The following MTERF4 variants were observed in gnomAD, a reference collection of about 807,000 sequenced individuals.
MTERF4 encodes the protein mitochondrial transcription termination factor 4, also known as transcription termination factor 4, mitochondrial.
Under a neutral mutation model 22.5 loss-of-function variants are expected in MTERF4, and 17 were observed. That is an observed-to-expected ratio of 0.75 (90% CI 0.52 to 1.13). The LOEUF (loss-of-function observed/expected upper bound fraction) is 1.13, where lower values mean the gene tolerates loss of function less well. Among genes scored for constraint, MTERF4 ranks in the 50% most tolerant of loss-of-function variants. The pLI, the probability that MTERF4 is intolerant of heterozygous loss-of-function variation, is 0.00. For synonymous variants in MTERF4, 165 were observed against 175.3 expected (o/e 0.94, Z 0.47); for missense variants, 420 against 466.8 (o/e 0.90, Z 0.92).
chr2:241,064,780 G>A, the MTERF4 span: 1 of 1,196,888 alleles, frequency 8.4e-7, no homozygotes, highest in Admixed American at 3.1e-5. The surrounding 1 kb of genome is among the most constrained non-coding windows in gnomAD (Gnocchi z 7.0). Context: ...AGGAGCAAGG[G>A]CGGGGCTGGA....
chr2:241,071,615 G>T, downstream of MTERF4: 1 of 1,587,826 alleles, frequency 6.3e-7, no homozygotes, highest in Non-Finnish European at 8.5e-7. Flanking sequence ...CACCAGGGAG[G>T]ACACCACCCT....
chr2:241,084,211 A>G (rs1403429341), downstream of MTERF4, among the ~76,000 whole-genome samples: 1 of 145,702 alleles, frequency 6.9e-6, no homozygotes, highest in Non-Finnish European at 1.5e-5. Context: ...ATCTTGGCTC[A>G]TCGCAACCTC....
downstream of MTERF4, among the ~76,000 whole-genome samples, chr2:241,085,220 A>C (rs1210813085): frequency 6.6e-6 from 1 of 151,726 alleles, no homozygotes; most frequent in Non-Finnish European, 1.5e-5. Flanking sequence ...CATTTCTTCT[A>C]CTTCTGGGAC....
chr2:241,045,575 A>G, the MTERF4 span, among the ~76,000 whole-genome samples: 1 of 152,118 alleles, frequency 6.6e-6, no homozygotes, highest in Non-Finnish European at 1.5e-5. Flanking sequence ...AATGGGGTTG[A>G]AACAATTAAA....
the MTERF4 span, chr2:241,063,419 G>A: frequency 1.4e-5 from 9 of 632,510 alleles, no homozygotes; most frequent in African/African-American, 3.6e-5. Flanking sequence ...CACGCCTCCC[G>A]AGGAGGGGTG....
downstream of MTERF4, among the ~76,000 whole-genome samples, chr2:241,090,881 AAAAG>A (rs1183819666): frequency 2.0e-5 from 3 of 151,956 alleles, no homozygotes; most frequent in Non-Finnish European, 2.9e-5. Context: ...AAAAAAAAAA[AAAAG>A]AAAAAAGAAT....
chr2:241,063,364 G>A, the MTERF4 span: 3 of 579,098 alleles, frequency 5.2e-6, no homozygotes, highest in South Asian at 3.8e-5. Context: ...CCTGGAGGAA[G>A]GCATGGCCTG....
intron 2 of MTERF4, among the ~76,000 whole-genome samples, chr2:241,098,594 C>T (rs1480055169): frequency 6.6e-6 from 1 of 152,190 alleles, no homozygotes; most frequent in East Asian, 1.9e-4. Context: ...GGCCACTCCA[C>T]GAGTATCCCA....
the MTERF4 span, among the ~76,000 whole-genome samples, chr2:241,049,495 C>T: frequency 6.6e-6 from 1 of 152,216 alleles, no homozygotes; most frequent in Admixed American, 6.5e-5. Flanking sequence ...GATGGTTAAT[C>T]ACTTGCATCA....
At chr2:241,072,028 G>A (rs778306120), downstream of MTERF4, 35 of 778,458 alleles carry the variant, frequency 4.5e-5, 1 homozygote, top group South Asian at 4.2e-4. Flanking sequence ...TGCACAAGGC[G>A]CGGGGCTCGT....
downstream of MTERF4, chr2:241,071,925 C>G: frequency 7.1e-7 from 1 of 1,408,306 alleles, no homozygotes; most frequent in Non-Finnish European, 9.8e-7. Context: ...CACCCTCGTC[C>G]TCACTGCCAC....
the MTERF4 span, chr2:241,064,237 C>T: frequency 2.8e-6 from 2 of 712,510 alleles, no homozygotes; most frequent in Admixed American, 3.1e-5. The surrounding 1 kb of genome is among the most constrained non-coding windows in gnomAD (Gnocchi z 7.0). Context: ...CCCGCCTGCT[C>T]CCCGCCCTCT....
In MTERF4 at chr2:241,095,998, C is replaced by T; in HGVS notation, c.1146G>A (p.Ter382=). 1 of 1,613,804 alleles carries T rather than the reference C, an allele frequency of 6.2e-7. No homozygotes were observed. Among genetic ancestry groups the T allele is most frequent in the Non-Finnish European group, 8.5e-7 (1 of 1,179,724 alleles). Residue 382 remains the stop codon, a stop_retained_variant, in exon 4 of 4, where the codon TAG becomes TAA. Transcript: ENST00000391980. The part of the protein sequence containing the change: ...DEDEDDDEEE[*] The stretch of plus-strand genomic sequence containing the variant: ...TTTCGCTCTAGTCCTTCCATCACAG[C>T]TATTCCTCCTCGTCGTCGTCCTCAT...
At chr2:241,046,902 T>C in the MTERF4 span, among the ~76,000 whole-genome samples, 6 of 152,166 alleles carry the variant, frequency 3.9e-5, no homozygotes, top group Non-Finnish European at 5.9e-5. Flanking sequence ...CCCAGCACTT[T>C]GGGAGGCCAA....
At chr2:241,065,018 C>A in the MTERF4 span, 2 of 1,280,226 alleles carry the variant, frequency 1.6e-6, no homozygotes, top group Non-Finnish European at 2.1e-6. Context: ...CCCTAGAGGG[C>A]CCAACGGTCT....
the MTERF4 span, chr2:241,053,239 T>C: frequency 1.2e-6 from 2 of 1,608,760 alleles, no homozygotes; most frequent in Non-Finnish European, 1.7e-6. Context: ...CCTGTATGCA[T>C]GTGACCGTGG....
exon 5 of MTERF4, chr2:241,072,558 G>A (rs1310842642): frequency 1.3e-5 from 4 of 296,808 alleles, no homozygotes; most frequent in South Asian, 5.9e-5. Context: ...TAATGAACAC[G>A]CTCTGAGCAA....
downstream of MTERF4, chr2:241,068,938 C>A (rs2062584114): frequency 6.4e-7 from 1 of 1,554,740 alleles, no homozygotes; most frequent in Non-Finnish European, 8.7e-7. This position sits in a 1 kb window ranked among gnomAD's most constrained non-coding sequence, Gnocchi z 5.3. Flanking sequence ...AGAGGTACAC[C>A]ATCCAGCTGA....
chr2:241,077,401 C>T (rs149018478), intron 4 of MTERF4, among the ~76,000 whole-genome samples: 1 of 152,104 alleles, frequency 6.6e-6, no homozygotes. Flanking sequence ...TGAGCAACAA[C>T]AAAAATCTAT....
Sources: gnomAD v4.1 joint callset for allele counts (sites outside exome capture counted in the v4.1 genomes callset) on GRCh38, gnomAD v4.1.1 for gene constraint, Gnocchi (gnomAD v3.1) non-coding constraint, MANE v1.5 for transcripts, NCBI Gene and HGNC (gene_info 2026-07-23, HGNC 2026-07-21) for gene names.